CADPS2: variants seen among roughly 807,000 people sequenced by gnomAD.
CADPS2 encodes calcium-dependent secretion activator 2.
In CADPS2, 93 loss-of-function variants were observed where a neutral mutation model predicts 172.5. The ratio of observed to expected loss-of-function variants is 0.54; its 90% CI spans 0.46 to 0.64. The LOEUF is 0.64. CADPS2 is among the 30% of genes least tolerant of loss of function. The pLI, the probability that CADPS2 is intolerant of heterozygous loss-of-function variation, is 0.00. For synonymous variants in CADPS2, 546 were observed against 555.2 expected (o/e 0.98, Z 0.23); for missense variants, 1,420 against 1,565.9 (o/e 0.91, Z 1.57).
chr7:122,354,941 T>C (rs143893591), intron 27 of CADPS2, among the ~76,000 whole-genome samples: 1 of 152,336 alleles, frequency 6.6e-6, no homozygotes, highest in African/African-American at 2.4e-5. Context: ...ATCAGAAAGA[T>C]ATCAAGGAGA....
At chr7:122,481,363 T>C (rs1023988542) in intron 11 of CADPS2, among the ~76,000 whole-genome samples, 5 of 152,160 alleles carry the variant, frequency 3.3e-5, no homozygotes, top group African/African-American at 1.2e-4. Flanking sequence ...TTTTTAGTTA[T>C]AACAAGTAAA....
At chr7:122,405,667 C>CA (rs71312898) in intron 20 of CADPS2, among the ~76,000 whole-genome samples, 68,372 of 151,886 alleles carry the variant, frequency 0.45, 15,668 homozygotes, top group African/African-American at 0.54. Context: ...TCAAACAAAA[C>CA]AAACAAAAAA....
chr7:122,595,038 G>A (rs1424171902), intron 6 of CADPS2, among the ~76,000 whole-genome samples: 9 of 151,868 alleles, frequency 5.9e-5, no homozygotes, highest in East Asian at 5.9e-4. Context: ...GTCATCTACA[G>A]AAATTTACCA....
intron 12 of CADPS2, among the ~76,000 whole-genome samples, chr7:122,478,749 C>T (rs745636631): frequency 9.2e-5 from 14 of 152,016 alleles, no homozygotes; most frequent in African/African-American, 2.2e-4. Context: ...AGGCACTGAC[C>T]GCCACCTGCC....
chr7:122,399,697 T>C (rs1436463231), intron 20 of CADPS2, among the ~76,000 whole-genome samples: 2 of 89,984 alleles, frequency 2.2e-5, no homozygotes, highest in African/African-American at 9.4e-5. Context: ...TTTTTTTTTT[T>C]TTTTTTTGAG....
intron 17 of CADPS2, among the ~76,000 whole-genome samples, chr7:122,433,630 T>C (rs2050262011): frequency 1.3e-5 from 2 of 152,322 alleles, no homozygotes; most frequent in South Asian, 2.1e-4. Context: ...CTTGAACTCC[T>C]GACCTCAAGT....
At chr7:122,555,349 C>A (rs569001597) in intron 7 of CADPS2, among the ~76,000 whole-genome samples, 1 of 152,214 alleles carries the variant, frequency 6.6e-6, no homozygotes, top group South Asian at 2.1e-4. Flanking sequence ...CCAGGAAAGA[C>A]AAGCCTACTC....
At chr7:122,820,542 G>GTTTTTTTTTTTTTT (rs1286462243) in intron 1 of CADPS2, among the ~76,000 whole-genome samples, 1 of 117,792 alleles carries the variant, frequency 8.5e-6, no homozygotes, top group African/African-American at 3.6e-5. Flanking sequence ...TGACCTTACT[G>GTTTTTTTTTTTTTT]TTTTTTGTTT....
chr7:122,425,054 A>T lies in CADPS2; in HGVS notation c.2477-8890T>A, dbSNP rs560726133. On this transcript the variant is annotated intron_variant, in intron 17 of 29. Coordinates refer to ENST00000449022, the MANE Select transcript of CADPS2 (RefSeq NM_017954.11). ...GGGTGCAGTGGCGTGATCATGTCTCACTGCAGCCTCGAACCCCCAGGCCCC... is the reference window on the plus strand; with the variant it reads ...GGGTGCAGTGGCGTGATCATGTCTCTCTGCAGCCTCGAACCCCCAGGCCCC... Among the ~76,000 whole-genome samples the T allele has an allele frequency of 2.6e-5, 4 of 152,142 alleles. No individual in the cohort carries two copies. In the East Asian group the frequency reaches 5.8e-4, roughly 22 times the overall value.
chr7:122,667,846 AAAGAATAACACTGC>A (rs1041855263), intron 2 of CADPS2, among the ~76,000 whole-genome samples: 1 of 152,210 alleles, frequency 6.6e-6, no homozygotes, highest in Non-Finnish European at 1.5e-5. Context: ...ATAAAGCACA[AAAGAATAACACTGC>A]AAGGCCATTT....
chr7:122,438,313 C>T lies in CADPS2; in HGVS notation c.2476+28G>A, dbSNP rs1048590822. Reference sequence around the variant, plus strand: ...ACTAGGCATTGTTGGCTCTCACTGCCACTTCGACAATTGCTCACTGCACTG... The same window carrying T: ...ACTAGGCATTGTTGGCTCTCACTGCTACTTCGACAATTGCTCACTGCACTG... On this transcript the variant is annotated intron_variant, in intron 17 of 29. Coordinates refer to ENST00000449022, the MANE Select transcript of CADPS2 (RefSeq NM_017954.11). 5.0e-6 allele frequency: 8 copies of T among 1,611,648 alleles called. No homozygotes were observed. The African/African-American group carries it at 8.0e-5, about 16-fold the overall frequency.
chr7:122,580,033 T>C (rs1245698250), intron 7 of CADPS2, among the ~76,000 whole-genome samples: 2 of 152,128 alleles, frequency 1.3e-5, no homozygotes, highest in African/African-American at 4.8e-5. Flanking sequence ...TCCTAGCATC[T>C]TTTTGCATCT....
chr7:122,343,096 T>C (rs1563106704), intron 28 of CADPS2, among the ~76,000 whole-genome samples: 1 of 152,198 alleles, frequency 6.6e-6, no homozygotes, highest in Non-Finnish European at 1.5e-5. Context: ...AAATTCAGTC[T>C]TGGCTGATTA....
chr7:122,566,103 T>C lies in CADPS2; in HGVS notation c.1336-11414A>G, dbSNP rs566936476. 1.4e-3 allele frequency among the ~76,000 whole-genome samples: 216 copies of C among 152,324 alleles called. 3 individuals carry two copies. In the South Asian group the frequency reaches 0.041, roughly 29 times the overall value. ...CTCCCAGCTTGATTAAATGACAAGA[T>C]TTCTTCAGTTTTTAAGGCCGAATAA... On this transcript the variant is annotated intron_variant, in intron 7 of 29. Transcript: ENST00000449022.
At chr7:122,702,488 G>T in intron 2 of CADPS2, 1 of 1,613,700 alleles carries the variant, frequency 6.2e-7, no homozygotes, top group Non-Finnish European at 8.5e-7. Context: ...ATTGGTCAAA[G>T]GATGACAGGC....
At chr7:122,587,685 A>G (rs1046284308) in intron 6 of CADPS2, among the ~76,000 whole-genome samples, 1 of 152,118 alleles carries the variant, frequency 6.6e-6, no homozygotes, top group African/African-American at 2.4e-5. Context: ...TAGTGCTGCA[A>G]TGAATATATG....
intron 8 of CADPS2, among the ~76,000 whole-genome samples, chr7:122,518,001 AT>A (rs964891819): frequency 4.0e-5 from 6 of 151,576 alleles, no homozygotes; most frequent in African/African-American, 9.7e-5. Flanking sequence ...TGTTGTTATG[AT>A]TTTTTTTATG....
In CADPS2 at chr7:122,568,351, T is replaced by C. The variant is rs530417772; in HGVS notation, c.1335+12828A>G. 3.3e-5 allele frequency among the ~76,000 whole-genome samples: 5 copies of C among 152,244 alleles called. No homozygotes were observed. In the East Asian group the frequency reaches 5.8e-4, roughly 18 times the overall value. ...GATAAAGAAGGTCATTTCATAATGA[T>C]AAAAGATCAGTTAATGAGAAGGAAA... is the stretch of plus-strand genomic sequence containing the variant. On this transcript the variant is annotated intron_variant, in intron 7 of 29. Transcript: ENST00000449022.
At chr7:122,761,039 G>A (rs2093363055) in intron 1 of CADPS2, among the ~76,000 whole-genome samples, 2 of 152,136 alleles carry the variant, frequency 1.3e-5, no homozygotes, top group Admixed American at 6.6e-5. Flanking sequence ...AGCAGGGGTG[G>A]GAGGTGAACA....
Sources: gnomAD v4.1 joint callset for allele counts (sites outside exome capture counted in the v4.1 genomes callset) on GRCh38, gnomAD v4.1.1 for gene constraint, MANE v1.5 for transcripts, NCBI Gene and HGNC (gene_info 2026-07-23, HGNC 2026-07-21) for gene names.